The following IL17RD variants were observed in gnomAD, a reference collection of about 807,000 sequenced individuals.
The protein encoded by IL17RD is interleukin 17 receptor D, also known as interleukin-17 receptor D.
Under a neutral mutation model 80.5 loss-of-function variants are expected in IL17RD, and 52 were observed. The ratio of observed to expected loss-of-function variants is 0.65; its 90% CI spans 0.52 to 0.81. The LOEUF (loss-of-function observed/expected upper bound fraction) is 0.81, where lower values mean the gene tolerates loss of function less well. Ranked by LOEUF, IL17RD falls within the 40% of genes least tolerant of loss-of-function variation. The pLI is 0.00. For synonymous variants in IL17RD, 416 were observed against 391.8 expected (o/e 1.06, Z -0.73); for missense variants, 1,024 against 955.1 (o/e 1.07, Z -0.95).
chr3:57,129,467 C>A (rs181030191), intron 1 of IL17RD, among the ~76,000 whole-genome samples: 119 of 152,240 alleles, frequency 7.8e-4, no homozygotes, highest in Non-Finnish European at 7.2e-4. Flanking sequence ...AGAGGTGCAC[C>A]GAATTGTGCT....
chr3:57,118,178 C>A (rs1394193475), intron 2 of IL17RD, among the ~76,000 whole-genome samples: 1 of 152,218 alleles, frequency 6.6e-6, no homozygotes, highest in Non-Finnish European at 1.5e-5. Context: ...CCTTCCACGT[C>A]TTTACTTAGC....
chr3:57,110,045 C>G (rs1437691134), intron 4 of IL17RD, 148 bp downstream of exon 4: 1 of 812,738 alleles, frequency 1.2e-6, no homozygotes, highest in South Asian at 1.8e-5. Flanking sequence ...GGAGCAGGCT[C>G]AAGGTGCTGC....
At chr3:57,134,125 C>T (rs1022930381) in intron 1 of IL17RD, 11 of 576,314 alleles carry the variant, frequency 1.9e-5, no homozygotes, top group African/African-American at 9.3e-5. Flanking sequence ...TTCGCTGCTG[C>T]GGCCACAGCC....
intron 3 of IL17RD, 55 bp from the exon 4 acceptor site, chr3:57,110,366 C>T: frequency 6.5e-7 from 1 of 1,527,990 alleles, no homozygotes; most frequent in Non-Finnish European, 8.9e-7. Context: ...TCTGAACACA[C>T]TCTTCTTCCT....
At chr3:57,144,053 A>T (rs1450001994) in intron 1 of IL17RD, among the ~76,000 whole-genome samples, 1 of 152,182 alleles carries the variant, frequency 6.6e-6, no homozygotes, top group African/African-American at 2.4e-5. Context: ...AAGGTGGCTG[A>T]AGCTTCAATC....
At chr3:57,153,213 G>C (rs946738948) in intron 1 of IL17RD, among the ~76,000 whole-genome samples, 11 of 152,144 alleles carry the variant, frequency 7.2e-5, no homozygotes, top group African/African-American at 2.4e-4. Flanking sequence ...GACAACACAA[G>C]ACTAAACTGG....
At chr3:57,156,884 T>C (rs2060270679) in intron 1 of IL17RD, among the ~76,000 whole-genome samples, 1 of 152,116 alleles carries the variant, frequency 6.6e-6, no homozygotes, top group African/African-American at 2.4e-5. Context: ...CTGCTCAAAG[T>C]CCCTTTGGTA....
At chr3:57,105,550 AAAAT>A (rs1359166542) in intron 7 of IL17RD, among the ~76,000 whole-genome samples, 11 of 80,396 alleles carry the variant, frequency 1.4e-4, no homozygotes, top group African/African-American at 5.4e-4. Context: ...AAAAAAAAAA[AAAAT>A]ATATATATAT....
Position 57,165,326 on chromosome 3 carries a change from G to C in IL17RD, c.-40C>G. The C allele has an allele frequency of 7.6e-7, 1 of 1,312,206 alleles. No homozygotes were observed. The highest frequency in any genetic ancestry group is 9.7e-7 in the Non-Finnish European group (1 of 1,026,346). The allele number at this position is 1,312,206 out of a possible 1,614,324, so 81.3% of individuals were successfully genotyped here. ...CCAGCCAGGCCGTTCTCTGCGCCCCGGCCGCCCGCCGCTGGCCAGCCCCGA... is the reference window on the plus strand; with the variant it reads ...CCAGCCAGGCCGTTCTCTGCGCCCCCGCCGCCCGCCGCTGGCCAGCCCCGA... On this transcript the variant is annotated 5_prime_UTR_variant, in exon 1 of 13. Coordinates refer to ENST00000296318, the MANE Select transcript of IL17RD (RefSeq NM_017563.5).
At chr3:57,169,304 C>G, upstream of IL17RD, 1 of 508,812 alleles carries the variant, frequency 2.0e-6, no homozygotes, top group Admixed American at 2.0e-5. Flanking sequence ...TGGCTGTCAT[C>G]TGATTCACCT....
intron 1 of IL17RD, among the ~76,000 whole-genome samples, chr3:57,121,747 G>C (rs1707344636): frequency 6.6e-6 from 1 of 152,164 alleles, no homozygotes; most frequent in Non-Finnish European, 1.5e-5. Context: ...TGCAACTAAA[G>C]GCTGCTCAAC....
In IL17RD at chr3:57,163,785, C is replaced by CGG. The variant is rs57632395; in HGVS notation, c.126+1374_126+1375dup. Among the ~76,000 whole-genome samples, 71 of 15,884 alleles carry CGG rather than the reference C, an allele frequency of 4.5e-3. 4 individuals are homozygous for CGG. The highest frequency in any genetic ancestry group is 0.013 in the South Asian group (10 of 754). The allele number at this position is 15,884 out of a possible 152,430, so 10.4% of individuals were successfully genotyped here. On this transcript the variant is annotated intron_variant, in intron 1 of 12. Transcript: ENST00000296318. ...GAAGGAATGACAGAGCCTAATGGGGCGGGGGGGCGGGGGGGGAAGGGGGTG... is the reference window on the plus strand; with the variant it reads ...GAAGGAATGACAGAGCCTAATGGGGCGGGGGGGGGCGGGGGGGGAAGGGGGTG...
rs779557612 is a variant in IL17RD at position 57,098,125 on chromosome 3, T to C, written c.1578A>G (p.Arg526=). The stretch of plus-strand genomic sequence containing the variant: ...GGAAGTAGTTCCTTCTGCTGCCCTG[T>C]CGCGTGTGCTGCCCCGGCTCCTGGA... ...HGLQEPGQHT[R]QGSRRNYFRS... The change falls in exon 12 of 13, where the codon CGA becomes CGG. Residue 526 remains arginine, a synonymous_variant. Transcript: ENST00000296318. 31 of 1,613,810 alleles carry C rather than the reference T, an allele frequency of 1.9e-5. No homozygotes were observed. The highest frequency in any genetic ancestry group is 2.6e-5 in the Non-Finnish European group (31 of 1,179,872).
intron 2 of IL17RD, among the ~76,000 whole-genome samples, chr3:57,115,511 A>C (rs1707197393): frequency 6.6e-6 from 1 of 152,196 alleles, no homozygotes; most frequent in South Asian, 2.1e-4. Flanking sequence ...TGAGGAGTTT[A>C]CTCACTGCCA....
At chr3:57,169,755 G>A (rs1277642744), upstream of IL17RD, among the ~76,000 whole-genome samples, 1 of 152,106 alleles carries the variant, frequency 6.6e-6, no homozygotes, top group Non-Finnish European at 1.5e-5. Flanking sequence ...CAGTCTCCCA[G>A]AGGGCTGAGG....
chr3:57,169,835 C>A (rs1357843898), upstream of IL17RD, among the ~76,000 whole-genome samples: 1 of 82,936 alleles, frequency 1.2e-5, no homozygotes, highest in Non-Finnish European at 2.5e-5. Context: ...AGCCCTTAGT[C>A]CCTGAGACCC....
At chr3:57,161,473 T>C (rs1436535955) in intron 1 of IL17RD, among the ~76,000 whole-genome samples, 1 of 152,254 alleles carries the variant, frequency 6.6e-6, no homozygotes, top group African/African-American at 2.4e-5. Context: ...AATGGGAAAC[T>C]TGCATTTCAT....
At chr3:57,105,552 A>AAATATATATATATATATAT in intron 7 of IL17RD, among the ~76,000 whole-genome samples, 2 of 63,588 alleles carry the variant, frequency 3.1e-5, no homozygotes, top group Non-Finnish European at 5.6e-5. Context: ...AAAAAAAAAA[A>AAATATATATATATATATAT]ATATATATAT....
At chr3:57,098,894 G>A (rs1244860770) in intron 11 of IL17RD, among the ~76,000 whole-genome samples, 1 of 152,258 alleles carries the variant, frequency 6.6e-6, no homozygotes, top group African/African-American at 2.4e-5. Flanking sequence ...GTGGTAGAGA[G>A]CACAGGACAG....
Sources: allele counts gnomAD v4.1 joint callset (sites outside exome capture counted in the v4.1 genomes callset), GRCh38; gene constraint gnomAD v4.1.1; transcripts MANE v1.5; gene names NCBI Gene and HGNC (gene_info 2026-07-23, HGNC 2026-07-21).